The following RANBP2 variants were observed in gnomAD, a reference collection of about 807,000 sequenced individuals.
RANBP2 encodes the protein RAN binding protein 2, also known as E3 SUMO-protein ligase RanBP2.
RANBP2 carries 57 observed loss-of-function variants against 303.6 expected under a neutral mutation model. The observed-to-expected ratio is 0.19, with a 90% CI of 0.15 to 0.23. The LOEUF is 0.23. Ranked by LOEUF, RANBP2 falls within the 10% of genes least tolerant of loss-of-function variation. The pLI is 1.00. For synonymous variants in RANBP2, 1,167 were observed against 1,301.5 expected (o/e 0.90, Z 2.23); for missense variants, 3,138 against 3,780.8 (o/e 0.83, Z 4.46).
the RANBP2 span, among the ~76,000 whole-genome samples, chr2:109,581,479 C>T: frequency 6.7e-6 from 1 of 149,278 alleles, no homozygotes; most frequent in Non-Finnish European, 1.5e-5. Flanking sequence ...ATTCTATGTA[C>T]AGTATATATT....
At chr2:109,161,297 T>C in the RANBP2 span, among the ~76,000 whole-genome samples, 16 of 151,544 alleles carry the variant, frequency 1.1e-4, no homozygotes, top group Non-Finnish European at 1.5e-4. Context: ...GAGTTAGGAG[T>C]GTGTAGGAAG....
chr2:109,092,385 T>C, the RANBP2 span, among the ~76,000 whole-genome samples: 1 of 152,090 alleles, frequency 6.6e-6, no homozygotes, highest in Non-Finnish European at 1.5e-5. Flanking sequence ...CAGAAGAAGT[T>C]TGAGCTTTGC....
At chr2:109,696,129 A>T in the RANBP2 span, among the ~76,000 whole-genome samples, 1 of 151,928 alleles carries the variant, frequency 6.6e-6, no homozygotes, top group East Asian at 1.9e-4. Context: ...ATGCCTGGCT[A>T]ATTTTTTGTA....
the RANBP2 span, among the ~76,000 whole-genome samples, chr2:109,045,871 G>T: frequency 6.6e-6 from 1 of 152,160 alleles, no homozygotes; most frequent in East Asian, 1.9e-4. Context: ...TCCGTCTCCA[G>T]TGGCAGCTTT....
chr2:109,182,378 G>A, the RANBP2 span, among the ~76,000 whole-genome samples: 4 of 152,160 alleles, frequency 2.6e-5, no homozygotes, highest in Non-Finnish European at 5.9e-5. Flanking sequence ...GGAAGGTGAA[G>A]CCCTCATGAC....
chr2:109,451,533 A>T, the RANBP2 span, among the ~76,000 whole-genome samples: 1 of 149,940 alleles, frequency 6.7e-6, no homozygotes, highest in Non-Finnish European at 1.5e-5. Context: ...TTTCTATGAC[A>T]TTACGTCCTG....
the RANBP2 span, among the ~76,000 whole-genome samples, chr2:108,806,578 T>C: frequency 6.6e-6 from 1 of 152,160 alleles, no homozygotes; most frequent in African/African-American, 2.4e-5. Flanking sequence ...GGTCTCTCTT[T>C]CAGTGACCCA....
chr2:108,758,238 G>C (rs183552992), intron 17 of RANBP2, among the ~76,000 whole-genome samples, 175 bp from the exon 18 acceptor site: 1 of 151,370 alleles, frequency 6.6e-6, no homozygotes, highest in Non-Finnish European at 1.5e-5. Context: ...TGGAGGTTGC[G>C]GTGAGCCAAG....
At chr2:108,885,844 T>G in the RANBP2 span, among the ~76,000 whole-genome samples, 1 of 152,252 alleles carries the variant, frequency 6.6e-6, no homozygotes, top group Non-Finnish European at 1.5e-5. Flanking sequence ...CTTCCACATA[T>G]AAGTGGAAAC....
the RANBP2 span, among the ~76,000 whole-genome samples, chr2:109,710,197 C>G: frequency 8.0e-5 from 12 of 150,914 alleles, no homozygotes; most frequent in Non-Finnish European, 7.4e-5. Context: ...GTCTGGCCAA[C>G]GCGGTGAAAA....
the RANBP2 span, among the ~76,000 whole-genome samples, chr2:109,232,350 T>G: frequency 6.6e-6 from 1 of 152,192 alleles, no homozygotes; most frequent in African/African-American, 2.4e-5. Context: ...TAGAGAGTAG[T>G]TGCTAAAAGT....
At chr2:109,500,758 G>C in the RANBP2 span, among the ~76,000 whole-genome samples, 58 of 152,088 alleles carry the variant, frequency 3.8e-4, no homozygotes, top group Non-Finnish European at 6.9e-4. Flanking sequence ...AGACCAGCCT[G>C]GGCAACATAG....
chr2:108,786,654 G>A (rs1284575781), downstream of RANBP2: 4 of 630,734 alleles, frequency 6.3e-6, no homozygotes, highest in East Asian at 6.1e-5. Context: ...TGGAGGACGC[G>A]CTGACAAGCC....
chr2:109,088,431 A>G, the RANBP2 span, among the ~76,000 whole-genome samples: 1 of 151,462 alleles, frequency 6.6e-6, no homozygotes, highest in Non-Finnish European at 1.5e-5. Flanking sequence ...AGCGAAAGAG[A>G]CAAAAACATG....
In RANBP2 at chr2:108,763,502, C is replaced by A. The variant is rs1433437607; in HGVS notation, c.2963C>A (p.Ala988Asp). ...PGYFTKPPIAAHASRSAESKT... is the reference protein window; with the variant it reads ...PGYFTKPPIADHASRSAESKT... ...TATTTCACAAAACCTCCGATTGCAG[C>A]TCATGCTTCAAGATCTGCAGAATCT... is the stretch of plus-strand genomic sequence containing the variant. Residue 988 changes from alanine (A) to aspartate (D), a missense_variant, in exon 20 of 29, where the codon GCT becomes GAT. By Grantham distance (126) the Ala-to-Asp change is moderately radical (BLOSUM62 -2). Around this residue, in one of 20 missense-constraint regions of RANBP2, gnomAD observed 403 missense variants for 376.7 expected, o/e 1.07. Coordinates refer to ENST00000283195, the MANE Select transcript of RANBP2 (RefSeq NM_006267.5). The A allele has an allele frequency of 9.9e-6, 16 of 1,613,980 alleles. No homozygotes were observed. The highest frequency in any genetic ancestry group is 1.3e-5 in the African/African-American group (1 of 74,896).
the RANBP2 span, among the ~76,000 whole-genome samples, chr2:109,208,263 T>G: frequency 1.3e-5 from 2 of 152,240 alleles, no homozygotes; most frequent in Non-Finnish European, 2.9e-5. Flanking sequence ...GTTGCAGAAT[T>G]GCAGATCCAC....
intron 18 of RANBP2, among the ~76,000 whole-genome samples, chr2:108,761,840 T>G (rs1276336473): frequency 6.6e-6 from 1 of 152,186 alleles, no homozygotes; most frequent in Non-Finnish European, 1.5e-5. Flanking sequence ...TTATTCCTTT[T>G]TTAATGCTTG....
At chr2:108,725,575 C>T (rs1156803504) in intron 1 of RANBP2, among the ~76,000 whole-genome samples, 1 of 152,176 alleles carries the variant, frequency 6.6e-6, no homozygotes, top group Non-Finnish European at 1.5e-5. Context: ...TCTTGGCCAA[C>T]ATGGTGAAAC....
the RANBP2 span, among the ~76,000 whole-genome samples, chr2:109,635,475 G>A: frequency 6.6e-6 from 1 of 152,132 alleles, no homozygotes; most frequent in Admixed American, 6.6e-5. Flanking sequence ...GAGCCACTGC[G>A]CCCAGCTAGC....
Sources: gnomAD v4.1 joint callset for allele counts (sites outside exome capture counted in the v4.1 genomes callset) on GRCh38, gnomAD v4.1.1 for gene constraint, gnomAD v4.1.1 regional missense constraint, MANE v1.5 for transcripts, NCBI Gene and HGNC (gene_info 2026-07-23, HGNC 2026-07-21) for gene names.